The following RCC1 variants were observed in gnomAD, a reference collection of about 807,000 sequenced individuals.
RCC1 encodes the protein regulator of chromosome condensation 1, also known as regulator of chromosome condensation.
A neutral mutation model predicts 44.4 loss-of-function variants in RCC1; 11 were observed. The ratio of observed to expected loss-of-function variants is 0.25; its 90% CI spans 0.16 to 0.41. RCC1 has a LOEUF of 0.41. RCC1 is among the 10% of genes least tolerant of loss of function. The pLI is 1.00. For synonymous variants in RCC1, 213 were observed against 216.5 expected (o/e 0.98, Z 0.14); for missense variants, 386 against 547.1 (o/e 0.71, Z 2.94).
chr1:28,512,068 G>A (rs1348745241), intron 3 of RCC1, among the ~76,000 whole-genome samples: 38 of 149,098 alleles, frequency 2.5e-4, no homozygotes, highest in Non-Finnish European at 4.9e-4. Context: ...TCTGCTTCCT[G>A]GGTTCAAGCG....
intron 6 of RCC1, 89 bp from the exon 7 acceptor site, chr1:28,532,082 A>G (rs1664214467): frequency 3.2e-6 from 5 of 1,566,818 alleles, no homozygotes; most frequent in Non-Finnish European, 4.3e-6. Flanking sequence ...CACTGTGGAA[A>G]TGGAGCTGGC....
chr1:28,530,999 C>T (rs1664120519), intron 5 of RCC1, among the ~76,000 whole-genome samples: 1 of 152,142 alleles, frequency 6.6e-6, no homozygotes, highest in Admixed American at 6.5e-5. Context: ...TTCTGCGGGG[C>T]AAGGTGGCTC....
intron 4 of RCC1, among the ~76,000 whole-genome samples, chr1:28,517,392 C>T (rs916190966): frequency 2.6e-5 from 4 of 152,118 alleles, no homozygotes; most frequent in African/African-American, 9.7e-5. Flanking sequence ...TGGTCTCTCT[C>T]ATTCCTCTTG....
chr1:28,529,238 C>T (rs1477422009), intron 4 of RCC1, among the ~76,000 whole-genome samples: 1 of 134,542 alleles, frequency 7.4e-6, no homozygotes, highest in Non-Finnish European at 1.5e-5. Flanking sequence ...GGCTGGAGTG[C>T]AGTGGCTCGA....
At chr1:28,511,975 CCTTT>C (rs1662577267) in intron 3 of RCC1, among the ~76,000 whole-genome samples, 3 of 122,652 alleles carry the variant, frequency 2.4e-5, no homozygotes, top group African/African-American at 3.6e-5. Flanking sequence ...CAAGCCTGAT[CCTTT>C]TTTTTTTTTT....
In RCC1 at chr1:28,531,832, G is replaced by A. The variant is rs1664194055; in HGVS notation, c.103G>A (p.Gly35Ser). The A allele has an allele frequency of 1.3e-6, 2 of 1,566,282 alleles. No homozygotes were observed. Among genetic ancestry groups the A allele is most frequent in the East Asian group, 2.2e-5 (1 of 44,722 alleles). ...VSHRSHSTEP[G>S]LVLTLGQGDV... Reference sequence around the variant, plus strand: ...ACACAGGTCCCACAGCACAGAACCCGGCTTGGTGCTGACACTAGGCCAGGG... The same window carrying A: ...ACACAGGTCCCACAGCACAGAACCCAGCTTGGTGCTGACACTAGGCCAGGG... Residue 35 changes from glycine to serine, a missense_variant, in exon 6 of 13, where the codon GGC becomes AGC. Physicochemically the swap from Gly to Ser is moderately conservative, Grantham distance 56. Coordinates refer to ENST00000683442, the MANE Select transcript of RCC1 (RefSeq NM_001381865.2).
At chr1:28,531,260 T>TTTTC (rs1350371570) in intron 5 of RCC1, among the ~76,000 whole-genome samples, 4 of 85,480 alleles carry the variant, frequency 4.7e-5, no homozygotes, top group African/African-American at 1.3e-4. Context: ...CTTTCTTTTC[T>TTTTC]TTTTCTTTTT....
intron 1 of RCC1, chr1:28,506,762 T>G (rs1661975446): frequency 6.5e-6 from 1 of 154,640 alleles, no homozygotes; most frequent in Admixed American, 6.4e-5. Flanking sequence ...TTTTTCTTTT[T>G]ATTTGATCGC....
intron 7 of RCC1, among the ~76,000 whole-genome samples, chr1:28,533,130 ATC>A (rs1664284025): frequency 6.6e-6 from 1 of 152,048 alleles, no homozygotes; most frequent in Non-Finnish European, 1.5e-5. Context: ...GTGTTTCCTT[ATC>A]ACATCTATTT....
intron 4 of RCC1, among the ~76,000 whole-genome samples, chr1:28,522,547 C>T (rs1421484768): frequency 6.6e-6 from 1 of 151,944 alleles, no homozygotes; most frequent in South Asian, 2.1e-4. Context: ...GTACCTCACG[C>T]CTATAATCCC....
intron 4 of RCC1, among the ~76,000 whole-genome samples, chr1:28,521,018 G>A (rs2402231): frequency 0.27 from 40,246 of 151,870 alleles, 5,431 homozygotes; most frequent in Middle Eastern, 0.35. Flanking sequence ...GGCGGAGGTT[G>A]CAGTGAGCTG....
chr1:28,526,278 T>C (rs1020419577), intron 4 of RCC1: 26 of 229,326 alleles, frequency 1.1e-4, no homozygotes, highest in Non-Finnish European at 2.3e-4. Context: ...GAGAGTGAGA[T>C]GCTGTCTCAA....
At chr1:28,530,157 CAAAAA>C (rs71805038) in intron 5 of RCC1, among the ~76,000 whole-genome samples, 1 of 119,080 alleles carries the variant, frequency 8.4e-6, no homozygotes. Flanking sequence ...AGCACTGGCA[CAAAAA>C]AAAAAAAAAA....
At chr1:28,508,327 A>G (rs1219432551) in intron 2 of RCC1, 167 bp downstream of exon 2, 6 of 351,600 alleles carry the variant, frequency 1.7e-5, no homozygotes, top group African/African-American at 6.4e-5. Context: ...GCATTTTTGT[A>G]GGCATGTTGA....
At chr1:28,537,004 C>G in intron 12 of RCC1, 105 bp downstream of exon 12, 1 of 1,277,060 alleles carries the variant, frequency 7.8e-7, no homozygotes, top group Non-Finnish European at 1.1e-6. Context: ...AGCCGAGGTA[C>G]AGAGAGCAGT....
At chr1:28,509,125 A>G (rs1251048567) in intron 3 of RCC1, 1 of 326,918 alleles carries the variant, frequency 3.1e-6, no homozygotes, top group South Asian at 2.5e-5. Flanking sequence ...TTAAAAGTCG[A>G]CCTGTTTTGC....
chr1:28,533,516 C>T (rs923094186), intron 7 of RCC1, among the ~76,000 whole-genome samples: 11 of 150,590 alleles, frequency 7.3e-5, no homozygotes, highest in African/African-American at 2.7e-4. Context: ...TGCTTGTAAT[C>T]CCAGCACTTT....
chr1:28,519,205 C>T (rs1419225670), intron 4 of RCC1, among the ~76,000 whole-genome samples: 1 of 152,066 alleles, frequency 6.6e-6, no homozygotes, highest in African/African-American at 2.4e-5. Flanking sequence ...GCACGTGCAA[C>T]GGCATGAAGG....
At chr1:28,527,324 C>G (rs1226964527) in intron 4 of RCC1, 2 of 530,970 alleles carry the variant, frequency 3.8e-6, no homozygotes, top group African/African-American at 3.8e-5. Context: ...AATTTAGCCT[C>G]AGCCTCCCAG....
Sources: gnomAD v4.1 joint callset for allele counts (sites outside exome capture counted in the v4.1 genomes callset) on GRCh38, gnomAD v4.1.1 for gene constraint, MANE v1.5 for transcripts, NCBI Gene and HGNC (gene_info 2026-07-23, HGNC 2026-07-21) for gene names.